ASTN2: variants seen among roughly 807,000 people sequenced by gnomAD.
ASTN2 encodes astrotactin 2, also known as astrotactin-2.
Under a neutral mutation model 139.8 loss-of-function variants are expected in ASTN2, and 54 were observed. The observed-to-expected ratio is 0.39, with a 90% CI of 0.31 to 0.48. ASTN2 has a LOEUF of 0.48. Among genes scored for constraint, ASTN2 ranks in the 20% least tolerant of loss-of-function variants. The pLI is 0.95. For missense variants in ASTN2, 1,565 were observed against 1,725.1 expected, an observed-to-expected ratio of 0.91 and a Z score of 1.64; for synonymous variants, 756 against 719.5, an observed-to-expected ratio of 1.05 and a Z score of -0.81.
In ASTN2 at chr9:116,728,310, G is replaced by A. The variant is rs7029018; in HGVS notation, c.2626+682C>T. ...GTCTTGATATAGATATTTAAGCACC[G>A]AGAATTCCGTGAGTTGTTTTGAGGG... On this transcript the variant is annotated intron_variant, in intron 15 of 22. Transcript: ENST00000313400. Among the ~76,000 whole-genome samples, 1,334 of 152,124 alleles carry A rather than the reference G, an allele frequency of 8.8e-3. 25 individuals carry two copies. Among genetic ancestry groups the A allele is most frequent in the African/African-American group, 0.031 (1,268 of 41,472 alleles).
rs1836434523 is a variant in ASTN2 at position 116,978,972 on chromosome 9, C to T, written c.1592-2187G>A. On this transcript the variant is annotated intron_variant, in intron 7 of 22. Coordinates refer to ENST00000313400, the MANE Select transcript of ASTN2 (RefSeq NM_001365068.1). ...TACTAGGGTAACACGGGTTCTACAA[C>T]TATCACCCTTAATTCTGGATTTTGA... 1.3e-5 allele frequency among the ~76,000 whole-genome samples: 2 copies of T among 152,196 alleles called. 1 individual carries two copies. Among genetic ancestry groups the T allele is most frequent in the South Asian group, 4.1e-4 (2 of 4,834 alleles).
chr9:116,802,915 ATTC>A (rs1830901954), intron 13 of ASTN2, among the ~76,000 whole-genome samples: 1 of 152,216 alleles, frequency 6.6e-6, no homozygotes, highest in Non-Finnish European at 1.5e-5. Context: ...AAGAGGCACT[ATTC>A]TTTGCTATCA....
chr9:117,177,456 T>C (rs1434911728), intron 3 of ASTN2, among the ~76,000 whole-genome samples: 1 of 151,326 alleles, frequency 6.6e-6, no homozygotes, highest in Non-Finnish European at 1.5e-5. Flanking sequence ...AATAGTTTCA[T>C]CATCTCCAAG....
chr9:116,521,190 T>C (rs886206739), intron 19 of ASTN2, among the ~76,000 whole-genome samples: 1 of 151,894 alleles, frequency 6.6e-6, no homozygotes, highest in African/African-American at 2.4e-5. Flanking sequence ...AGAGCCTGCA[T>C]AGTAAAGCAA....
intron 1 of ASTN2, among the ~76,000 whole-genome samples, chr9:117,357,401 G>A (rs766296560): frequency 4.6e-5 from 7 of 152,050 alleles, no homozygotes; most frequent in South Asian, 2.1e-4. Context: ...GATTATCACC[G>A]TGGCCACTGA....
chr9:117,395,136 T>C (rs1830644482), intron 1 of ASTN2, among the ~76,000 whole-genome samples: 1 of 152,184 alleles, frequency 6.6e-6, no homozygotes, highest in South Asian at 2.1e-4. Context: ...AGTCATTTCC[T>C]GAGCCAATGT....
chr9:116,904,029 G>C (rs960763420), intron 10 of ASTN2, among the ~76,000 whole-genome samples: 1 of 152,192 alleles, frequency 6.6e-6, no homozygotes, highest in Admixed American at 6.5e-5. Context: ...GTCTCCCAGG[G>C]TTGAGAGTTT....
At chr9:117,011,197 T>G (rs1837523201) in intron 6 of ASTN2, among the ~76,000 whole-genome samples, 1 of 152,218 alleles carries the variant, frequency 6.6e-6, no homozygotes, top group African/African-American at 2.4e-5. Context: ...GAAATATGGG[T>G]TTCCATGAAA....
At chr9:116,536,518 G>C (rs959038429) in intron 19 of ASTN2, among the ~76,000 whole-genome samples, 1 of 152,128 alleles carries the variant, frequency 6.6e-6, no homozygotes, top group African/African-American at 2.4e-5. Flanking sequence ...TGATGGTGAC[G>C]TACAGATGGG....
At chr9:116,939,403 A>T (rs1322452633) in intron 10 of ASTN2, among the ~76,000 whole-genome samples, 1 of 152,068 alleles carries the variant, frequency 6.6e-6, no homozygotes, top group African/African-American at 2.4e-5. Context: ...TATTTAAAAA[A>T]TTTATTATTA....
intron 5 of ASTN2, among the ~76,000 whole-genome samples, chr9:117,093,581 T>C (rs2132748998): frequency 6.6e-6 from 1 of 152,242 alleles, no homozygotes; most frequent in South Asian, 2.1e-4. Context: ...CTTTTTCCCA[T>C]TAAGTCAGTG....
At chr9:116,681,162 C>T (rs988866811) in intron 16 of ASTN2, among the ~76,000 whole-genome samples, 7 of 152,188 alleles carry the variant, frequency 4.6e-5, no homozygotes, top group African/African-American at 1.4e-4. Flanking sequence ...AGCTGATAAG[C>T]AACTTCAGCA....
intron 19 of ASTN2, among the ~76,000 whole-genome samples, chr9:116,574,837 C>T (rs1853660695): frequency 1.3e-5 from 2 of 152,182 alleles, no homozygotes; most frequent in Non-Finnish European, 2.9e-5. Context: ...GATGTTATTC[C>T]TTTGCACATT....
intron 2 of ASTN2, among the ~76,000 whole-genome samples, chr9:117,239,605 A>G (rs1833148430): frequency 6.6e-6 from 1 of 152,180 alleles, no homozygotes; most frequent in African/African-American, 2.4e-5. Context: ...TCCCATCCCC[A>G]TTCATTAGCC....
chr9:116,591,973 T>A (rs1378541843), intron 19 of ASTN2, among the ~76,000 whole-genome samples: 1 of 152,222 alleles, frequency 6.6e-6, no homozygotes, highest in Non-Finnish European at 1.5e-5. Context: ...CAGCTGGCCC[T>A]CAGTATCTAT....
intron 16 of ASTN2, among the ~76,000 whole-genome samples, chr9:116,706,160 G>GA (rs1827984034): frequency 6.6e-6 from 1 of 152,108 alleles, no homozygotes. Context: ...TATCTCTCCT[G>GA]ATGGGGAATC....
chr9:117,056,468 G>T lies in ASTN2; in HGVS notation c.1277-16503C>A, dbSNP rs552106537. ...TTGCAAAAGAGCCAGGCACAGCTCT[G>T]CCTTGAAGGAGCCACAGAGAGACAA... On this transcript the variant is annotated intron_variant, in intron 5 of 22. Coordinates refer to ENST00000313400, the MANE Select transcript of ASTN2 (RefSeq NM_001365068.1). Among the ~76,000 whole-genome samples, 12 of 152,300 alleles carry T rather than the reference G, an allele frequency of 7.9e-5. No homozygotes were observed. In the East Asian group the frequency reaches 2.1e-3, roughly 27 times the overall value.
intron 19 of ASTN2, among the ~76,000 whole-genome samples, chr9:116,509,723 T>G (rs113157994): frequency 6.6e-5 from 10 of 152,124 alleles, no homozygotes; most frequent in African/African-American, 2.4e-4. Context: ...AGATGGTATC[T>G]CATTGTGGTT....
At chr9:117,277,238 T>G (rs1834214922) in intron 2 of ASTN2, 1 of 152,244 alleles carries the variant, frequency 6.6e-6, no homozygotes. Context: ...TGTAAGTTTA[T>G]GATTCTCCAC....
Sources: allele counts gnomAD v4.1 joint callset (sites outside exome capture counted in the v4.1 genomes callset), GRCh38; gene constraint gnomAD v4.1.1; transcripts MANE v1.5; gene names NCBI Gene and HGNC (gene_info 2026-07-23, HGNC 2026-07-21).